CD53: variants seen among roughly 807,000 people sequenced by gnomAD.
CD53 encodes leukocyte surface antigen CD53.
A neutral mutation model predicts 27.3 loss-of-function variants in CD53; 20 were observed. The observed-to-expected ratio is 0.73, with a 90% confidence interval of 0.52 to 1.07. CD53 has a LOEUF of 1.07. Ranked by LOEUF, CD53 falls within the 50% of genes least tolerant of loss-of-function variation. The pLI, the probability that CD53 is intolerant of heterozygous loss-of-function variation, is 0.00. For synonymous variants in CD53, 106 were observed against 105.3 expected, an observed-to-expected ratio of 1.01 and a Z score of -0.04; for missense variants, 216 against 264.0, an observed-to-expected ratio of 0.82 and a Z score of 1.26.
chr1:110,886,869 A>ATATATATATATT lies in CD53; in HGVS notation c.-17-4522_-17-4521insATATATATATTT, dbSNP rs1298376721. On this transcript the variant is annotated intron_variant, in intron 1 of 7. Transcript: ENST00000271324. ...CCAATATATATATATATATATATAT[A>ATATATATATATT]TTTTTTTTTTCTGTCTGTGTTTCTT... Among the ~76,000 whole-genome samples, 132 of 82,752 alleles carry ATATATATATATT rather than the reference A, an allele frequency of 1.6e-3. 1 individual carries two copies. Among genetic ancestry groups the ATATATATATATT allele is most frequent in the East Asian group, 8.7e-3 (26 of 2,988 alleles). The allele number at this position is 82,752 out of a possible 152,430, so 54.3% of individuals were successfully genotyped here.
chr1:110,876,482 C>T (rs1245309169), intron 1 of CD53, among the ~76,000 whole-genome samples: 1 of 152,096 alleles, frequency 6.6e-6, no homozygotes, highest in Non-Finnish European at 1.5e-5. Flanking sequence ...ATTTTCCAAA[C>T]CTTTTTGTTT....
chr1:110,891,513 C>T (rs1164300274), intron 2 of CD53, 42 bp downstream of exon 2: 4 of 1,474,838 alleles, frequency 2.7e-6, no homozygotes, highest in Non-Finnish European at 3.8e-6. Flanking sequence ...TCACCTTTAC[C>T]CAGCTAAGCT....
chr1:110,882,683 C>T (rs1656404386), intron 1 of CD53, among the ~76,000 whole-genome samples: 1 of 151,956 alleles, frequency 6.6e-6, no homozygotes, highest in Non-Finnish European at 1.5e-5. Flanking sequence ...ATATTGAATT[C>T]CTGGTAGATG....
chr1:110,879,531 C>A (rs554093232), intron 1 of CD53, among the ~76,000 whole-genome samples: 1 of 152,266 alleles, frequency 6.6e-6, no homozygotes, highest in East Asian at 1.9e-4. Context: ...TCACAGTGCA[C>A]ATTAGCATAT....
intron 3 of CD53, among the ~76,000 whole-genome samples, chr1:110,893,416 G>A (rs1432419384): frequency 2.6e-5 from 4 of 152,076 alleles, no homozygotes; most frequent in Admixed American, 6.5e-5. Context: ...TCCGCCTCCC[G>A]GGTTCAAGCC....
rs750844146 is a variant in CD53, at chr1:110,895,069, G to A, written c.423+14G>A. On this transcript the variant is annotated intron_variant, in intron 5 of 7. Transcript: ENST00000271324. Reference sequence around the variant, plus strand: ...ATCCAGTCATTTGTGAGTACAGGTGGAATCCTCTTCAGATCAGCCCAGACT... The same window carrying A: ...ATCCAGTCATTTGTGAGTACAGGTGAAATCCTCTTCAGATCAGCCCAGACT... 2 of 1,578,224 alleles carry A rather than the reference G, an allele frequency of 1.3e-6. No individual in the cohort carries two copies. Among genetic ancestry groups the A allele is most frequent in the Non-Finnish European group, 1.7e-6 (2 of 1,147,670 alleles).
intron 1 of CD53, among the ~76,000 whole-genome samples, chr1:110,873,970 A>G (rs1004904344): frequency 6.6e-6 from 1 of 152,214 alleles, no homozygotes; most frequent in Non-Finnish European, 1.5e-5. Flanking sequence ...AATCCCCAAA[A>G]CTTGATACTG....
At chr1:110,874,683 A>G (rs1047033618) in intron 1 of CD53, among the ~76,000 whole-genome samples, 1 of 152,228 alleles carries the variant, frequency 6.6e-6, no homozygotes, top group Non-Finnish European at 1.5e-5. Context: ...TTTAAATGAA[A>G]GGATTGGGTA....
At chr1:110,878,780 G>A (rs539213438) in intron 1 of CD53, among the ~76,000 whole-genome samples, 65 of 151,992 alleles carry the variant, frequency 4.3e-4, no homozygotes, top group Non-Finnish European at 2.5e-4. Context: ...TTTATTGCTG[G>A]GATTTTCCAA....
chr1:110,892,313 G>A (rs1318400649), intron 2 of CD53, 32 bp from the exon 3 acceptor site: 4 of 1,559,092 alleles, frequency 2.6e-6, no homozygotes, highest in East Asian at 2.2e-5. Flanking sequence ...ACCACATTTT[G>A]CTTCAGGATG....
chr1:110,885,964 C>A (rs188941664), intron 1 of CD53, among the ~76,000 whole-genome samples: 11 of 152,222 alleles, frequency 7.2e-5, no homozygotes, highest in Non-Finnish European at 1.5e-4. Flanking sequence ...CTCTTTGTTC[C>A]TTTGTGTAAA....
At chr1:110,886,869 A>ATATATATATATATAT (rs1298376721) in intron 1 of CD53, among the ~76,000 whole-genome samples, 37 of 82,780 alleles carry the variant, frequency 4.5e-4, no homozygotes, top group East Asian at 6.7e-4. Flanking sequence ...ATATATATAT[A>ATATATATATATATAT]TTTTTTTTTT....
At chr1:110,892,679 G>A in intron 3 of CD53, 146 bp downstream of exon 3, 4 of 693,900 alleles carry the variant, frequency 5.8e-6, no homozygotes, top group Non-Finnish European at 1.0e-5. Context: ...AGTCTGCCCA[G>A]ACCAATAGTA....
intron 1 of CD53, among the ~76,000 whole-genome samples, chr1:110,884,300 A>C (rs1038417256): frequency 7.2e-5 from 11 of 151,978 alleles, no homozygotes; most frequent in Non-Finnish European, 1.5e-4. Flanking sequence ...TAGTTTCCCA[A>C]TTTGAGGAAA....
At chr1:110,873,993 A>G (rs189410158) in intron 1 of CD53, among the ~76,000 whole-genome samples, 18 of 152,312 alleles carry the variant, frequency 1.2e-4, no homozygotes, top group Admixed American at 2.0e-4. Flanking sequence ...GTAATTTCCA[A>G]TCATGTGCTG....
chr1:110,896,625 A>G, intron 5 of CD53, 28 bp from the exon 6 acceptor site: 6 of 1,605,548 alleles, frequency 3.7e-6, no homozygotes, highest in Non-Finnish European at 5.1e-6. Flanking sequence ...CTTTCTAACC[A>G]TCATCATTTT....
chr1:110,875,308 A>G (rs1360066553), intron 1 of CD53, among the ~76,000 whole-genome samples: 1 of 152,184 alleles, frequency 6.6e-6, no homozygotes, highest in Non-Finnish European at 1.5e-5. Context: ...AGTGGAGGGC[A>G]AGATCGCTCA....
intron 6 of CD53, 162 bp from the exon 7 acceptor site, chr1:110,897,647 C>A: frequency 2.1e-6 from 1 of 483,918 alleles, no homozygotes; most frequent in Non-Finnish European, 3.7e-6. Flanking sequence ...TATTTCCCAC[C>A]TTATGCCTGT....
intron 3 of CD53, 111 bp from the exon 4 acceptor site, chr1:110,894,216 G>A (rs3905318): frequency 1.2e-6 from 1 of 867,318 alleles, no homozygotes; most frequent in South Asian, 1.4e-5. Flanking sequence ...TGAGGAGGCA[G>A]AACAGGAACA....
Sources: allele counts gnomAD v4.1 joint callset (sites outside exome capture counted in the v4.1 genomes callset), GRCh38; gene constraint gnomAD v4.1.1; transcripts MANE v1.5; gene names NCBI Gene and HGNC (gene_info 2026-07-23, HGNC 2026-07-21).